KIAA0232: variants seen among roughly 807,000 people sequenced by gnomAD.
KIAA0232 encodes the protein uncharacterized protein KIAA0232.
KIAA0232 carries 27 observed loss-of-function variants against 122.0 expected under a neutral mutation model. The observed-to-expected ratio is 0.22, with a 90% CI of 0.16 to 0.31. The LOEUF is 0.31. KIAA0232 is among the 10% of genes least tolerant of loss of function. The probability of loss-of-function intolerance (pLI) is 1.00; values close to 1 mark genes in which losing one functional copy is unlikely to be tolerated. For missense variants in KIAA0232, 1,551 were observed against 1,634.2 expected (o/e 0.95, Z 0.88); for synonymous variants, 613 against 587.6 (o/e 1.04, Z -0.63).
chr4:6,849,237 G>T (rs7676411), intron 4 of KIAA0232, among the ~76,000 whole-genome samples: 2 of 152,170 alleles, frequency 1.3e-5, no homozygotes, highest in African/African-American at 4.8e-5. Context: ...ATCTGTTTTC[G>T]AAGATGGAAC....
chr4:6,794,843 A>G (rs1717061176), intron 1 of KIAA0232, among the ~76,000 whole-genome samples: 1 of 152,134 alleles, frequency 6.6e-6, no homozygotes, highest in South Asian at 2.1e-4. Flanking sequence ...GGTGGTGAGA[A>G]TTCAGGGTTG....
At position 6,871,588 on chromosome 4, in the gene KIAA0232, C is replaced by T. The variant is rs1483787743; in HGVS notation, c.3816C>T (p.Asn1272=). 6.3e-7 allele frequency: 1 copy of T among 1,597,942 alleles called. No homozygotes were observed. The highest frequency in any genetic ancestry group is 2.2e-5 in the East Asian group (1 of 44,782). ...AATCTAAACAGTTCCCTGTATTGAA[C>T]ACTGATATACAAGGAATGAATAGAA... ...SGQLEEFPVL[N]TDIQGMNRSQ... Residue 1272 remains asparagine, a synonymous_variant, in exon 8 of 10, where the codon AAC becomes AAT. Coordinates refer to ENST00000307659, the MANE Select transcript of KIAA0232 (RefSeq NM_014743.3).
chr4:6,786,923 C>T (rs1051634126), intron 1 of KIAA0232, among the ~76,000 whole-genome samples: 6 of 152,130 alleles, frequency 3.9e-5, no homozygotes, highest in African/African-American at 1.4e-4. Context: ...TGGCTCACGC[C>T]TGTAATTCCA....
chr4:6,876,062 A>G lies in KIAA0232; in HGVS notation c.3911-598A>G, dbSNP rs374140618. ...CGTTGGATTTGTTTGATATCTTCTCATCCCAGTTTTTTTCCCATTTTGTGG... is the reference window on the plus strand; with the variant it reads ...CGTTGGATTTGTTTGATATCTTCTCGTCCCAGTTTTTTTCCCATTTTGTGG... On this transcript the variant is annotated intron_variant, in intron 8 of 9. Coordinates refer to ENST00000307659, the MANE Select transcript of KIAA0232 (RefSeq NM_014743.3). 6.4e-4 allele frequency among the ~76,000 whole-genome samples: 97 copies of G among 152,280 alleles called. 3 individuals are homozygous for G. In the South Asian group the frequency reaches 0.018, roughly 28 times the overall value.
In KIAA0232 at chr4:6,862,491, T is replaced by C. The variant is rs1313176846; in HGVS notation, c.2109T>C (p.Cys703=). 6.2e-7 allele frequency: 1 copy of C among 1,613,990 alleles called. No homozygotes were observed. The highest frequency in any genetic ancestry group is 1.1e-5 in the South Asian group (1 of 91,038). ...KNSAFEENEH[C]SNLSTRTCSP... ...GTGCCTTTGAAGAAAATGAACACTG[T>C]TCTAATCTTTCAACAAGAACTTGTA... Residue 703 remains cysteine, a synonymous_variant, in exon 7 of 10, where the codon TGT becomes TGC. Transcript: ENST00000307659.
chr4:6,825,520 A>G (rs1185633972), intron 3 of KIAA0232, among the ~76,000 whole-genome samples: 16 of 151,960 alleles, frequency 1.1e-4, no homozygotes, highest in Admixed American at 1.0e-3. Flanking sequence ...GCGCCATTGC[A>G]CTCCAGCCTT....
intron 4 of KIAA0232, among the ~76,000 whole-genome samples, chr4:6,854,195 T>C (rs1720452509): frequency 6.6e-6 from 1 of 152,204 alleles, no homozygotes; most frequent in Non-Finnish European, 1.5e-5. Context: ...GACACCAACA[T>C]TTAAGTGACT....
chr4:6,824,578 G>T lies in KIAA0232; in HGVS notation c.125G>T (p.Trp42Leu). ...LLHALGPVQT[W>L]LGQELEKCGI... ...CATGCTTTGGGTCCAGTGCAGACCT[G>T]GCTGGGACAAGAGCTCGAGAAATGT... Residue 42 changes from tryptophan to leucine, a missense_variant, in exon 3 of 10, where the codon TGG (tryptophan) becomes TTG (leucine). Transcript: ENST00000307659. 1 of 1,614,194 alleles carries T rather than the reference G, an allele frequency of 6.2e-7. No individual in the cohort carries two copies. Among genetic ancestry groups the T allele is most frequent in the Non-Finnish European group, 8.5e-7 (1 of 1,180,026 alleles).
chr4:6,808,052 A>G (rs974761914), intron 2 of KIAA0232, among the ~76,000 whole-genome samples: 1 of 152,210 alleles, frequency 6.6e-6, no homozygotes, highest in Non-Finnish European at 1.5e-5. Flanking sequence ...TGGGCAACAG[A>G]GTGAGACTAT....
At chr4:6,866,378 G>A in intron 7 of KIAA0232, 1 of 190,192 alleles carries the variant, frequency 5.3e-6, no homozygotes, top group East Asian at 1.9e-4. Flanking sequence ...GATGTTGTCA[G>A]CACTGCTCTC....
chr4:6,837,912 AGAGGGG>A (rs1180222959), intron 3 of KIAA0232, among the ~76,000 whole-genome samples: 1 of 108,728 alleles, frequency 9.2e-6, no homozygotes, highest in South Asian at 3.3e-4. Flanking sequence ...TGCAAAGGGG[AGAGGGG>A]GAGGGGGAGG....
At chr4:6,866,160 CT>C in intron 7 of KIAA0232, 6 of 881,210 alleles carry the variant, frequency 6.8e-6, no homozygotes, top group Non-Finnish European at 8.2e-6. Context: ...TTAAATATTC[CT>C]TTATGTACTT....
chr4:6,802,729 G>C (rs982809235), intron 1 of KIAA0232, among the ~76,000 whole-genome samples: 1 of 152,096 alleles, frequency 6.6e-6, no homozygotes, highest in African/African-American at 2.4e-5. Context: ...AGAATACAGA[G>C]TGGTGATTCA....
At chr4:6,854,040 G>A (rs6845985) in intron 4 of KIAA0232, among the ~76,000 whole-genome samples, 111,572 of 151,994 alleles carry the variant, frequency 0.73, 42,324 homozygotes, top group Non-Finnish European at 0.85. Context: ...GAATCCAGAG[G>A]GGTTTTGGTG....
rs373793407 is a variant in KIAA0232 at position 6,843,927 on chromosome 4, C to CTTTTTTTTTTTTTTTTTTT, written c.369+1737_369+1755dup. On this transcript the variant is annotated intron_variant, in intron 4 of 9. Coordinates refer to ENST00000307659, the MANE Select transcript of KIAA0232 (RefSeq NM_014743.3). ...GGCGCAAGGACCGTGAGTTACCCAT[C>CTTTTTTTTTTTTTTTTTTT]TTTTTTTTTTTTTTTTTTTTTTTTT... Among the ~76,000 whole-genome samples, 4 of 46,316 alleles carry CTTTTTTTTTTTTTTTTTTT rather than the reference C, an allele frequency of 8.6e-5. 2 individuals carry two copies. Among genetic ancestry groups the CTTTTTTTTTTTTTTTTTTT allele is most frequent in the African/African-American group, 2.7e-4 (4 of 14,642 alleles). 30.4% of individuals were successfully genotyped at this position (46,316 alleles called of 152,430 possible).
chr4:6,814,273 A>G (rs1718016321), intron 2 of KIAA0232, among the ~76,000 whole-genome samples: 1 of 152,054 alleles, frequency 6.6e-6, no homozygotes, highest in African/African-American at 2.4e-5. Flanking sequence ...TTGCACTGTC[A>G]TATTAGAACT....
intron 7 of KIAA0232, among the ~76,000 whole-genome samples, chr4:6,869,927 A>G (rs1044960177): frequency 3.9e-5 from 6 of 152,248 alleles, no homozygotes; most frequent in Non-Finnish European, 7.3e-5. Flanking sequence ...CAGTGTTCAC[A>G]GGCCTCTCCA....
At position 6,824,401 on chromosome 4, in the gene KIAA0232, A is replaced by G; in HGVS notation, c.-53A>G. 2.1e-6 allele frequency: 3 copies of G among 1,399,808 alleles called. No individual in the cohort carries two copies. Among genetic ancestry groups the G allele is most frequent in the South Asian group, 1.2e-5 (1 of 86,778 alleles). The allele number at this position is 1,399,808 out of a possible 1,614,324, so 86.7% of individuals were successfully genotyped here. A position where few individuals can be genotyped will look rare whatever the true frequency, so the allele number is the denominator to read the frequency against. On this transcript the variant is annotated 5_prime_UTR_variant, in exon 3 of 10. Coordinates refer to ENST00000307659, the MANE Select transcript of KIAA0232 (RefSeq NM_014743.3). ...AAAATCCCCTCCAGATACCAACAGA[A>G]TATCAACTGCAGAAAATGCTTCACA... is the stretch of plus-strand genomic sequence containing the variant.
intron 1 of KIAA0232, among the ~76,000 whole-genome samples, chr4:6,803,004 T>C (rs1717453405): frequency 7.3e-6 from 1 of 137,634 alleles, no homozygotes; most frequent in Non-Finnish European, 1.5e-5. Context: ...ACATACTCTG[T>C]CTTGACCAAA....
Sources: gnomAD v4.1 joint callset for allele counts (sites outside exome capture counted in the v4.1 genomes callset) on GRCh38, gnomAD v4.1.1 for gene constraint, MANE v1.5 for transcripts, NCBI Gene and HGNC (gene_info 2026-07-23, HGNC 2026-07-21) for gene names.